WWTR1: variants seen among roughly 807,000 people sequenced by gnomAD.
WWTR1 encodes WW domain containing transcription regulator 1.
A neutral mutation model predicts 40.1 loss-of-function variants in WWTR1; 13 were observed. The ratio of observed to expected loss-of-function variants is 0.32; its 90% CI spans 0.21 to 0.52. The LOEUF (loss-of-function observed/expected upper bound fraction) is 0.52, where lower values mean the gene tolerates loss of function less well. Among genes scored for constraint, WWTR1 ranks in the 20% least tolerant of loss-of-function variants. The pLI is 0.97. For missense variants in WWTR1, 436 were observed against 523.1 expected, an observed-to-expected ratio of 0.83 and a Z score of 1.63; for synonymous variants, 230 against 210.1, an observed-to-expected ratio of 1.09 and a Z score of -0.82.
intron 3 of WWTR1, among the ~76,000 whole-genome samples, chr3:149,572,228 C>T (rs1223020364): frequency 2.0e-5 from 3 of 151,868 alleles, no homozygotes; most frequent in Non-Finnish European, 4.4e-5. Context: ...TTTTGGAAGG[C>T]TTTCATAAGG....
At chr3:149,650,531 T>C (rs1419524100) in intron 2 of WWTR1, among the ~76,000 whole-genome samples, 1 of 152,208 alleles carries the variant, frequency 6.6e-6, no homozygotes, top group East Asian at 1.9e-4. Flanking sequence ...CATATGCATA[T>C]AATTCTGTTG....
intron 1 of WWTR1, among the ~76,000 whole-genome samples, chr3:149,691,704 C>T (rs1714831944): frequency 6.6e-6 from 1 of 152,112 alleles, no homozygotes; most frequent in Non-Finnish European, 1.5e-5. Context: ...TATGGCTTCG[C>T]TGCTAATTTT....
chr3:149,636,223 T>G (rs1320936888), intron 2 of WWTR1, among the ~76,000 whole-genome samples: 1 of 152,216 alleles, frequency 6.6e-6, no homozygotes, highest in African/African-American at 2.4e-5. Context: ...TTTTCTGACA[T>G]CTCTGTACTC....
At chr3:149,594,950 CTTTTTTTTTTTT>C (rs563658190) in intron 2 of WWTR1, among the ~76,000 whole-genome samples, 3 of 61,772 alleles carry the variant, frequency 4.9e-5, no homozygotes, top group South Asian at 6.6e-4. Flanking sequence ...CTCTTTTTTA[CTTTTTTTTTTTT>C]TTTTTTTTTT....
rs1560059141 is a variant in WWTR1 at position 149,557,807 on chromosome 3, A to ATTG, written c.568+15056_568+15057insCAA. ...CACCTGAGGTCAGGAGTTCAAGACC[A>ATTG]GCCTGGCCAACATGGTGAAACCCCA... On this transcript the variant is annotated intron_variant, in intron 3 of 6. Coordinates refer to ENST00000360632, the MANE Select transcript of WWTR1 (RefSeq NM_015472.6). 2.5e-3 allele frequency among the ~76,000 whole-genome samples: 374 copies of ATTG among 152,144 alleles called. 2 individuals carry two copies. The highest frequency in any genetic ancestry group is 8.7e-3 in the African/African-American group (360 of 41,496).
chr3:149,708,977 CTTT>C (rs1179019069), intron 5 of WWTR1, among the ~76,000 whole-genome samples: 1 of 151,956 alleles, frequency 6.6e-6, no homozygotes, highest in Non-Finnish European at 1.5e-5. Context: ...CAATACTTAT[CTTT>C]TTATTTGGTT....
At chr3:149,569,392 T>C (rs1319877266) in intron 3 of WWTR1, among the ~76,000 whole-genome samples, 2 of 152,218 alleles carry the variant, frequency 1.3e-5, no homozygotes, top group Non-Finnish European at 2.9e-5. Flanking sequence ...TTTGCATATA[T>C]AAACTCGTAA....
At chr3:149,571,653 T>A (rs539600137) in intron 3 of WWTR1, among the ~76,000 whole-genome samples, 1 of 152,360 alleles carries the variant, frequency 6.6e-6, no homozygotes, top group South Asian at 2.1e-4. Flanking sequence ...GAGTTCATAC[T>A]CACTTTGGCT....
At chr3:149,681,738 C>T (rs964752165) in intron 1 of WWTR1, among the ~76,000 whole-genome samples, 4 of 152,136 alleles carry the variant, frequency 2.6e-5, no homozygotes, top group African/African-American at 4.8e-5. Context: ...TATTATTCAG[C>T]TTTAAAACAG....
At chr3:149,537,186 A>C (rs963458756) in intron 4 of WWTR1, among the ~76,000 whole-genome samples, 1 of 152,338 alleles carries the variant, frequency 6.6e-6, no homozygotes, top group South Asian at 2.1e-4. Context: ...CTCTGTAGTC[A>C]TTGTGGGTGT....
chr3:149,678,413 G>T, intron 1 of WWTR1, among the ~76,000 whole-genome samples: 1 of 152,076 alleles, frequency 6.6e-6, no homozygotes, highest in East Asian at 1.9e-4. Flanking sequence ...AGTTCTGCAG[G>T]CCCTTTTTCC....
chr3:149,677,973 G>T (rs1475971489), intron 1 of WWTR1, among the ~76,000 whole-genome samples: 1 of 150,766 alleles, frequency 6.6e-6, no homozygotes, highest in Non-Finnish European at 1.5e-5. Flanking sequence ...GTTTCACCAT[G>T]TTGGCCAGGC....
At chr3:149,582,537 G>A (rs952036324) in intron 2 of WWTR1, among the ~76,000 whole-genome samples, 1 of 151,704 alleles carries the variant, frequency 6.6e-6, no homozygotes, top group East Asian at 1.9e-4. Context: ...GCCAGCCTGG[G>A]CAACATAGGG....
chr3:149,624,515 G>T (rs929468556), intron 2 of WWTR1, among the ~76,000 whole-genome samples: 1 of 152,146 alleles, frequency 6.6e-6, no homozygotes, highest in African/African-American at 2.4e-5. Context: ...TGCATTCATG[G>T]CCAAACAGCC....
chr3:149,643,347 T>C (rs1712295852), intron 2 of WWTR1, among the ~76,000 whole-genome samples: 1 of 152,246 alleles, frequency 6.6e-6, no homozygotes, highest in Non-Finnish European at 1.5e-5. Flanking sequence ...AATTTAGTTA[T>C]GACGTGTGCC....
intron 6 of WWTR1, among the ~76,000 whole-genome samples, chr3:149,523,759 C>T (rs1735168013): frequency 6.6e-6 from 1 of 152,196 alleles, no homozygotes; most frequent in South Asian, 2.1e-4. Context: ...TAGATCTTTT[C>T]TAGCCACACT....
At position 149,551,798 on chromosome 3, in the gene WWTR1, C is replaced by T. The variant is rs912669957; in HGVS notation, c.569-9261G>A. On this transcript the variant is annotated intron_variant, in intron 3 of 6. Transcript: ENST00000360632. The stretch of plus-strand genomic sequence containing the variant: ...TCCTATTTCCACCCTAATGCCTTCC[C>T]TTAAAAAGAGAACCAGGAGCCAGTA... Among the ~76,000 whole-genome samples, 3 of 145,534 alleles carry T rather than the reference C, an allele frequency of 2.1e-5. 1 individual carries two copies. The highest frequency in any genetic ancestry group is 6.9e-5 in the Admixed American group (1 of 14,596).
At chr3:149,599,737 C>T (rs1739164925) in intron 2 of WWTR1, among the ~76,000 whole-genome samples, 1 of 152,150 alleles carries the variant, frequency 6.6e-6, no homozygotes, top group Non-Finnish European at 1.5e-5. Flanking sequence ...AAGTAAAATA[C>T]ACCAAGGCAA....
chr3:149,540,696 T>A (rs554365244), intron 4 of WWTR1, among the ~76,000 whole-genome samples: 18 of 152,302 alleles, frequency 1.2e-4, no homozygotes, highest in African/African-American at 4.1e-4. Context: ...AAACAACCGT[T>A]AGCCTGAAAT....
Sources: allele counts gnomAD v4.1 joint callset (sites outside exome capture counted in the v4.1 genomes callset), GRCh38; gene constraint gnomAD v4.1.1; transcripts MANE v1.5; gene names NCBI Gene and HGNC (gene_info 2026-07-23, HGNC 2026-07-21).